Variants in FER observed in about 807,000 individuals in gnomAD.
FER encodes the protein FER tyrosine kinase, also known as tyrosine-protein kinase Fer.
FER carries 63 observed loss-of-function variants against 111.0 expected under a neutral mutation model. That is an observed-to-expected ratio of 0.57 (90% CI 0.46 to 0.70). The LOEUF is 0.70. Among genes scored for constraint, FER ranks in the 30% least tolerant of loss-of-function variants. The pLI is 0.00. For missense variants in FER, 914 were observed against 954.0 expected (o/e 0.96, Z 0.55); for synonymous variants, 327 against 313.9 (o/e 1.04, Z -0.44).
intron 10 of FER, among the ~76,000 whole-genome samples, chr5:108,907,738 C>G (rs1750994874): frequency 6.6e-6 from 1 of 152,136 alleles, no homozygotes; most frequent in African/African-American, 2.4e-5. Flanking sequence ...TCAGATAGAA[C>G]TAAGTACTCT....
intron 3 of FER, chr5:108,830,852 G>C (rs1759969879): frequency 6.6e-6 from 1 of 152,254 alleles, no homozygotes; most frequent in African/African-American, 2.4e-5. Flanking sequence ...GATAGAGCCA[G>C]GCTTTTGTTA....
intron 2 of FER, among the ~76,000 whole-genome samples, chr5:108,795,179 G>T (rs996416026): frequency 2.0e-5 from 3 of 152,106 alleles, no homozygotes; most frequent in South Asian, 2.1e-4. Context: ...TTTAAAATTA[G>T]CTGGGCATGG....
At chr5:108,955,349 T>C (rs1226174828) in intron 12 of FER, among the ~76,000 whole-genome samples, 1 of 151,754 alleles carries the variant, frequency 6.6e-6, no homozygotes, top group Non-Finnish European at 1.5e-5. Flanking sequence ...TTAAGAAATA[T>C]TTTATTCAAT....
chr5:109,111,325 A>T (rs1343414544), intron 17 of FER, among the ~76,000 whole-genome samples: 1 of 152,152 alleles, frequency 6.6e-6, no homozygotes, highest in Non-Finnish European at 1.5e-5. Flanking sequence ...AATCAATGTT[A>T]TCTATAGAAC....
chr5:109,107,320 A>G (rs1328272180), intron 17 of FER, among the ~76,000 whole-genome samples: 3 of 152,178 alleles, frequency 2.0e-5, no homozygotes, highest in Non-Finnish European at 2.9e-5. Flanking sequence ...ACTAAGCCAT[A>G]GGAGTTTTTC....
chr5:108,850,662 G>T (rs76713790), intron 5 of FER, among the ~76,000 whole-genome samples: 1 of 151,786 alleles, frequency 6.6e-6, no homozygotes, highest in Non-Finnish European at 1.5e-5. Context: ...CTTGTCAAGG[G>T]ATTTCTGAAG....
intron 3 of FER, among the ~76,000 whole-genome samples, chr5:108,812,646 C>A (rs115126585): frequency 0.017 from 2,615 of 151,876 alleles, 31 homozygotes; most frequent in Middle Eastern, 0.051. Context: ...TCTTATATTC[C>A]TTTCTCCTGT....
intron 13 of FER, among the ~76,000 whole-genome samples, chr5:108,990,871 A>G (rs1763079786): frequency 6.6e-6 from 1 of 151,810 alleles, no homozygotes; most frequent in African/African-American, 2.4e-5. Context: ...ATTTACATCC[A>G]TGATTTTTCA....
Position 108,832,938 on chromosome 5 carries a change from A to G in FER, c.376A>G (p.Ile126Val), listed in dbSNP as rs1580774900. 6.4e-7 allele frequency: 1 copy of G among 1,562,380 alleles called. No homozygotes were observed. Among genetic ancestry groups the G allele is most frequent in the Non-Finnish European group, 8.6e-7 (1 of 1,157,702 alleles). Residue 126 changes from isoleucine (I) to valine (V), a missense_variant, in exon 4 of 20, where the codon ATC becomes GTC. Physicochemically the swap from Ile to Val is conservative, Grantham distance 29. This residue lies in a region of FER where 774 missense variants were observed against 782.6 expected (regional missense o/e 0.99). Coordinates refer to ENST00000281092, the MANE Select transcript of FER (RefSeq NM_005246.4). ...TCATCAGCAGATAGAGGCAGAGATGATCAAGGTTCGTTTTTCCATATTGAA... is the reference window on the plus strand; with the variant it reads ...TCATCAGCAGATAGAGGCAGAGATGGTCAAGGTTCGTTTTTCCATATTGAA... ...GVHQQIEAEM[I>V]KVTKTELEKL...
chr5:108,870,916 A>G (rs1764539188), intron 6 of FER, among the ~76,000 whole-genome samples: 1 of 152,140 alleles, frequency 6.6e-6, no homozygotes, highest in African/African-American at 2.4e-5. Context: ...TAAGTATACA[A>G]AAAAGAGCAG....
intron 10 of FER, among the ~76,000 whole-genome samples, chr5:108,941,564 A>G (rs1301907942): frequency 6.6e-6 from 1 of 152,164 alleles, no homozygotes; most frequent in Non-Finnish European, 1.5e-5. Context: ...CAAGTAGAAA[A>G]ATTTACTGTT....
chr5:108,923,371 T>C (rs1282776598), intron 10 of FER, among the ~76,000 whole-genome samples: 1 of 152,074 alleles, frequency 6.6e-6, no homozygotes. Flanking sequence ...TGCATCTAAT[T>C]ATAAAGGGAG....
chr5:108,845,762 GT>G (rs1021234938), intron 5 of FER, among the ~76,000 whole-genome samples: 31 of 152,118 alleles, frequency 2.0e-4, no homozygotes, highest in Non-Finnish European at 4.1e-4. Flanking sequence ...GTTTGCTGTA[GT>G]TTTTTAAAGA....
At chr5:109,165,268 A>C (rs565021749) in intron 17 of FER, among the ~76,000 whole-genome samples, 118 of 152,310 alleles carry the variant, frequency 7.7e-4, no homozygotes, top group African/African-American at 2.6e-3. Flanking sequence ...GGTGATCATT[A>C]TTGATGACTC....
At chr5:108,944,380 C>T (rs931289800) in intron 10 of FER, among the ~76,000 whole-genome samples, 1 of 152,062 alleles carries the variant, frequency 6.6e-6, no homozygotes, top group Non-Finnish European at 1.5e-5. Context: ...AGGGGCCATC[C>T]TTTTGCCAGA....
chr5:109,051,558 G>C, intron 16 of FER: 2 of 1,609,960 alleles, frequency 1.2e-6, no homozygotes, highest in Non-Finnish European at 1.7e-6. Flanking sequence ...CTTGCTTGTC[G>C]TAATTGCGGC....
intron 13 of FER, among the ~76,000 whole-genome samples, chr5:108,994,579 T>C (rs1763754481): frequency 1.3e-5 from 2 of 152,188 alleles, no homozygotes; most frequent in Non-Finnish European, 2.9e-5. Flanking sequence ...CTTATGATTA[T>C]CTTGGCTATT....
intron 3 of FER, among the ~76,000 whole-genome samples, chr5:108,800,244 G>A (rs1756488972): frequency 6.6e-6 from 1 of 151,956 alleles, no homozygotes; most frequent in South Asian, 2.1e-4. Flanking sequence ...TATCTTATTT[G>A]CCATTGTCAC....
intron 13 of FER, among the ~76,000 whole-genome samples, chr5:109,035,870 T>C (rs550636352): frequency 6.6e-6 from 1 of 152,322 alleles, no homozygotes; most frequent in Non-Finnish European, 1.5e-5. Context: ...AGTAATGAAG[T>C]ATCGTCTTAT....
Sources: allele counts gnomAD v4.1 joint callset (sites outside exome capture counted in the v4.1 genomes callset), GRCh38; gene constraint gnomAD v4.1.1; regional missense constraint gnomAD v4.1.1; transcripts MANE v1.5; gene names NCBI Gene and HGNC (gene_info 2026-07-23, HGNC 2026-07-21).